Variants in USP8 observed in about 807,000 individuals in gnomAD.
The protein encoded by USP8 is ubiquitin carboxyl-terminal hydrolase 8.
In USP8, 27 loss-of-function variants were observed where a neutral mutation model predicts 130.0. The ratio of observed to expected loss-of-function variants is 0.21; its 90% confidence interval spans 0.15 to 0.29. The LOEUF is 0.29. Ranked by LOEUF, USP8 falls within the 10% of genes least tolerant of loss-of-function variation. The probability of loss-of-function intolerance (pLI) is 1.00; values close to 1 mark genes in which losing one functional copy is unlikely to be tolerated. For missense variants in USP8, 1,029 were observed against 1,312.2 expected (o/e 0.78, Z 3.33); for synonymous variants, 392 against 444.1 (o/e 0.88, Z 1.48).
In USP8 at chr15:50,477,342, C is replaced by T. The variant is rs1253329438; in HGVS notation, c.1061C>T (p.Ala354Val). The T allele has an allele frequency of 6.2e-7, 1 of 1,614,094 alleles. No homozygotes were observed. The highest frequency in any genetic ancestry group is 8.5e-7 in the Non-Finnish European group (1 of 1,180,026). Residue 354 changes from alanine to valine, a missense_variant, in exon 10 of 20, where the codon GCA becomes GTA. Ala to Val is a moderately conservative substitution (Grantham distance 64, BLOSUM62 0). Transcript: ENST00000307179. The stretch of plus-strand genomic sequence containing the variant: ...AAACCTGCTGCCCAGACGCCACCTG[C>T]ATCTATAGAAGTAGATGAAAATATA... ...PSKPAAQTPPASIEVDENIEL... is the reference protein window; with the variant it reads ...PSKPAAQTPPVSIEVDENIEL...
intron 10 of USP8, among the ~76,000 whole-genome samples, chr15:50,479,395 G>A (rs1476842396): frequency 1.3e-5 from 2 of 152,166 alleles, no homozygotes; most frequent in African/African-American, 4.8e-5. Flanking sequence ...TTGGAGAGAG[G>A]AAGTTATGAT....
At position 50,495,931 on chromosome 15, in the gene USP8, C is replaced by T. The variant is rs2052383737; in HGVS notation, c.2742C>T (p.His914=). 6.2e-7 allele frequency: 1 copy of T among 1,613,678 alleles called. No homozygotes were observed. The highest frequency in any genetic ancestry group is 8.5e-7 in the Non-Finnish European group (1 of 1,180,026). Residue 914 remains histidine, a synonymous_variant, in exon 17 of 20, where the codon CAC becomes CAT. Coordinates refer to ENST00000307179, the MANE Select transcript of USP8 (RefSeq NM_005154.5). ...FKAAEHAWQK[H]KQLNESIIVA... ...CTGCAGAACATGCCTGGCAGAAACA[C>T]AAGCAGCTCAATGAGTCTATTATTG...
At chr15:50,477,132 G>A (rs2051593739) in intron 9 of USP8, 139 bp downstream of exon 9, 1 of 1,343,710 alleles carries the variant, frequency 7.4e-7, no homozygotes, top group Non-Finnish European at 1.0e-6. Context: ...ATATAAGCCT[G>A]GAAGTTCACA....
chr15:50,485,260 A>G (rs1353599376), intron 12 of USP8, among the ~76,000 whole-genome samples: 1 of 151,946 alleles, frequency 6.6e-6, no homozygotes, highest in Non-Finnish European at 1.5e-5. Flanking sequence ...CCTGGCTAAC[A>G]TGGTGAAACG....
chr15:50,448,623 G>A (rs1292469618), intron 3 of USP8, among the ~76,000 whole-genome samples: 1 of 151,714 alleles, frequency 6.6e-6, no homozygotes, highest in Non-Finnish European at 1.5e-5. Flanking sequence ...GGGTTCAAGT[G>A]ATTCTCCTGC....
intron 5 of USP8, among the ~76,000 whole-genome samples, chr15:50,460,489 A>G (rs2050954731): frequency 1.3e-5 from 2 of 151,174 alleles, no homozygotes; most frequent in Non-Finnish European, 2.9e-5. Context: ...TCGTATTTTT[A>G]GTAGAGATGG....
At chr15:50,427,359 T>A (rs140194354) in intron 1 of USP8, among the ~76,000 whole-genome samples, 35 of 152,174 alleles carry the variant, frequency 2.3e-4, no homozygotes, top group African/African-American at 7.7e-4. Flanking sequence ...GACAAATAGT[T>A]CCTATTTCAT....
At chr15:50,433,829 T>C (rs1012568638) in intron 1 of USP8, among the ~76,000 whole-genome samples, 4 of 152,084 alleles carry the variant, frequency 2.6e-5, no homozygotes, top group Non-Finnish European at 5.9e-5. Context: ...ATGGTCTTGA[T>C]CTCCTGACCT....
chr15:50,488,510 A>C (rs568942477), intron 12 of USP8, among the ~76,000 whole-genome samples: 11 of 136,720 alleles, frequency 8.0e-5, no homozygotes, highest in South Asian at 7.8e-4. Flanking sequence ...CGGCTTCCTG[A>C]GTAGCTAGGA....
chr15:50,443,815 G>A (rs547971094), intron 3 of USP8, among the ~76,000 whole-genome samples: 1 of 152,120 alleles, frequency 6.6e-6, no homozygotes, highest in Non-Finnish European at 1.5e-5. Context: ...TTTGAAGAGG[G>A]GGCCCCTTGC....
Position 50,432,783 on chromosome 15 carries a change from T to A in USP8, c.-65-6226T>A, listed in dbSNP as rs79603282. 4.1e-3 allele frequency among the ~76,000 whole-genome samples: 627 copies of A among 152,368 alleles called. 11 individuals carry two copies. The highest frequency in any genetic ancestry group is 0.033 in the Admixed American group (505 of 15,306). On this transcript the variant is annotated intron_variant, in intron 1 of 19. Coordinates refer to ENST00000307179, the MANE Select transcript of USP8 (RefSeq NM_005154.5). ...TGACATAGTCTGATGTTTGCTATTT[T>A]TTTAATGCTGATCATGACCTTCTAA... is the stretch of plus-strand genomic sequence containing the variant.
In USP8 at chr15:50,501,302, GAAA is replaced by G. The variant is rs59352489; in HGVS notation, c.*2232_*2234del. Reference sequence around the variant, plus strand: ...TAGCGAGACTCCATATCTTTTAAAGGAAAAAAAAAAAAAAAAAAAAGATGAGCT... The same window carrying G: ...TAGCGAGACTCCATATCTTTTAAAGGAAAAAAAAAAAAAAAAAGATGAGCT... On this transcript the variant is annotated 3_prime_UTR_variant, in exon 20 of 20. Coordinates refer to ENST00000307179, the MANE Select transcript of USP8 (RefSeq NM_005154.5). The G allele has an allele frequency of 2.3e-4, 25 of 108,796 alleles. No individual in the cohort carries two copies. The highest frequency in any genetic ancestry group is 9.0e-4 in the South Asian group (3 of 3,338). The allele number at this position is 108,796 out of a possible 1,614,324, so 6.7% of individuals were successfully genotyped here.
At position 50,495,881 on chromosome 15, in the gene USP8, A is replaced by G. The variant is rs1171270205; in HGVS notation, c.2692A>G (p.Asn898Asp). Residue 898 changes from asparagine to aspartate, a missense_variant, in exon 17 of 20, where the codon AAT becomes GAT. Physicochemically the swap from Asn to Asp is conservative, Grantham distance 23. This residue lies in a region of USP8 where 257 missense variants were observed against 429.8 expected (regional missense o/e 0.60). Transcript: ENST00000307179. ...TCGGAAGAGATATAAAGAAGAAAAT[A>G]ATGATCATCTCGATGACTTTAAAGC... ...DNRKRYKEEN[N>D]DHLDDFKAAE... 1 of 1,613,740 alleles carries G rather than the reference A, an allele frequency of 6.2e-7. No individual in the cohort carries two copies. Among genetic ancestry groups the G allele is most frequent in the Non-Finnish European group, 8.5e-7 (1 of 1,179,892 alleles).
rs951781314 is a variant in USP8, at chr15:50,499,717, A to AATT, written c.*630_*632dup. 4 of 152,256 alleles carry AATT rather than the reference A, an allele frequency of 2.6e-5. No individual in the cohort carries two copies. The highest frequency in any genetic ancestry group is 9.6e-5 in the African/African-American group (4 of 41,554). The allele number at this position is 152,256 out of a possible 1,614,324, so 9.4% of individuals were successfully genotyped here. Reference sequence around the variant, plus strand: ...TTCTAAAAAAAAAAATGGAAACTTTAATTTTTTTAAAACGAGAATTTCATT... The same window carrying AATT: ...TTCTAAAAAAAAAAATGGAAACTTTAATTATTTTTTTAAAACGAGAATTTCATT... On this transcript the variant is annotated 3_prime_UTR_variant, in exon 20 of 20. Transcript: ENST00000307179.
intron 10 of USP8, 103 bp downstream of exon 10, chr15:50,477,602 G>C: frequency 9.5e-7 from 1 of 1,054,216 alleles, no homozygotes; most frequent in Non-Finnish European, 1.4e-6. Flanking sequence ...CACTTTGGGA[G>C]GCTGAGAGGG....
intron 12 of USP8, among the ~76,000 whole-genome samples, chr15:50,488,010 C>G (rs895228157): frequency 1.3e-5 from 2 of 152,314 alleles, no homozygotes; most frequent in African/African-American, 2.4e-5. Context: ...GAAACCCCAT[C>G]TCTAAACTTT....
intron 3 of USP8, among the ~76,000 whole-genome samples, chr15:50,442,045 C>T (rs758473737): frequency 1.5e-5 from 2 of 134,106 alleles, no homozygotes; most frequent in Non-Finnish European, 3.0e-5. Context: ...GGCGTGATAT[C>T]GGCTCACTGC....
rs1253342261 is a variant in USP8 at position 50,511,080 on chromosome 15, T to C, written c.*11992T>C. On this transcript the variant is annotated 3_prime_UTR_variant, in exon 20 of 20. Transcript: ENST00000307179. ...GGCGTCAGCCACCGTGCCCGGCCGA[T>C]GTACACCAATGTTCTCTGTACAATT... 1 of 152,222 alleles carries C rather than the reference T, an allele frequency of 6.6e-6. No homozygotes were observed. Among genetic ancestry groups the C allele is most frequent in the East Asian group, 1.9e-4 (1 of 5,196 alleles). 9.4% of individuals were successfully genotyped at this position (152,222 alleles called of 1,614,324 possible). A position where few individuals can be genotyped will look rare whatever the true frequency, so the allele number is the denominator to read the frequency against.
At chr15:50,488,669 A>G (rs997176263) in intron 12 of USP8, among the ~76,000 whole-genome samples, 12 of 148,314 alleles carry the variant, frequency 8.1e-5, no homozygotes, top group South Asian at 2.1e-4. Flanking sequence ...GGTTCAAGCA[A>G]TTCTCCTGCC....
Sources: gnomAD v4.1 joint callset for allele counts (sites outside exome capture counted in the v4.1 genomes callset) on GRCh38, gnomAD v4.1.1 for gene constraint, gnomAD v4.1.1 regional missense constraint, MANE v1.5 for transcripts, NCBI Gene and HGNC (gene_info 2026-07-23, HGNC 2026-07-21) for gene names.